The following ROCK1 variants were observed in gnomAD, a reference collection of about 807,000 sequenced individuals.
ROCK1 encodes the protein Rho associated coiled-coil containing protein kinase 1.
Under a neutral mutation model 196.8 loss-of-function variants are expected in ROCK1, and 36 were observed. That is an observed-to-expected ratio of 0.18 (90% confidence interval 0.14 to 0.24). The LOEUF (loss-of-function observed/expected upper bound fraction) is 0.24, where lower values mean the gene tolerates loss of function less well. Among genes scored for constraint, ROCK1 ranks in the 10% least tolerant of loss-of-function variants. The pLI is 1.00. For synonymous variants in ROCK1, 443 were observed against 515.9 expected, an observed-to-expected ratio of 0.86 and a Z score of 1.91; for missense variants, 920 against 1,562.0, an observed-to-expected ratio of 0.59 and a Z score of 6.93.
intron 16 of ROCK1, among the ~76,000 whole-genome samples, chr18:20,994,737 G>C (rs2035655999): frequency 6.6e-6 from 1 of 152,082 alleles, no homozygotes; most frequent in African/African-American, 2.4e-5. Flanking sequence ...ACATGAAAGA[G>C]ACAAATTAAG....
chr18:21,043,573 AATGTATATGTATATACATATACATAAT>A (rs2036128462), intron 6 of ROCK1, among the ~76,000 whole-genome samples: 1 of 144,640 alleles, frequency 6.9e-6, no homozygotes, highest in Non-Finnish European at 1.5e-5. Flanking sequence ...ACATATACAT[AATGTATATGTATATACATATACATAAT>A]ATGTATATAC....
chr18:20,974,979 T>C (rs2030447404), intron 22 of ROCK1, among the ~76,000 whole-genome samples: 1 of 152,216 alleles, frequency 6.6e-6, no homozygotes, highest in African/African-American at 2.4e-5. Flanking sequence ...AATTGTTTAA[T>C]TTAACAAACA....
At chr18:20,959,084 A>T (rs1315493247) in intron 29 of ROCK1, among the ~76,000 whole-genome samples, 5 of 36,472 alleles carry the variant, frequency 1.4e-4, no homozygotes, top group African/African-American at 8.7e-4. Flanking sequence ...TAATATATAT[A>T]TTTTATATAA....
At chr18:21,035,268 C>G (rs189858325) in intron 9 of ROCK1, among the ~76,000 whole-genome samples, 1 of 152,178 alleles carries the variant, frequency 6.6e-6, no homozygotes, top group African/African-American at 2.4e-5. Context: ...TATGGCTGAG[C>G]GTGGTGGCTC....
At chr18:21,090,737 CAAAT>C (rs1568407444) in intron 1 of ROCK1, among the ~76,000 whole-genome samples, 1 of 152,124 alleles carries the variant, frequency 6.6e-6, no homozygotes, top group African/African-American at 2.4e-5. Context: ...TCGACAACAA[CAAAT>C]AAATGTTTAT....
At chr18:21,056,300 T>C (rs1312039388) in intron 2 of ROCK1, among the ~76,000 whole-genome samples, 3 of 152,220 alleles carry the variant, frequency 2.0e-5, no homozygotes, top group Non-Finnish European at 4.4e-5. Context: ...TTGAAAAACA[T>C]CTCAAATTTA....
intron 12 of ROCK1, among the ~76,000 whole-genome samples, chr18:21,017,316 C>T (rs1460706900): frequency 6.6e-6 from 1 of 151,698 alleles, no homozygotes. Flanking sequence ...CTCAGCCTCC[C>T]GAGTAGCTGG....
intron 1 of ROCK1, among the ~76,000 whole-genome samples, chr18:21,076,676 CA>C (rs2143561375): frequency 7.2e-6 from 1 of 139,296 alleles, no homozygotes; most frequent in Non-Finnish European, 1.6e-5. Context: ...GGTACATACA[CA>C]CACACACACA....
chr18:21,107,245 C>T (rs866270636), intron 1 of ROCK1, among the ~76,000 whole-genome samples: 1 of 152,128 alleles, frequency 6.6e-6, no homozygotes, highest in Non-Finnish European at 1.5e-5. Context: ...TTTCAGATTA[C>T]GGATGCTATT....
intron 14 of ROCK1, 62 bp downstream of exon 14, chr18:21,007,997 T>C (rs763218151): frequency 7.5e-7 from 1 of 1,338,932 alleles, no homozygotes; most frequent in Non-Finnish European, 1.0e-6. Context: ...GACACTAAAT[T>C]AAAGACAACC....
chr18:21,058,003 T>G (rs1465900141), intron 2 of ROCK1, among the ~76,000 whole-genome samples: 2 of 152,170 alleles, frequency 1.3e-5, no homozygotes, highest in East Asian at 3.8e-4. Context: ...TAGGTAACAT[T>G]TAAAATTGTG....
At chr18:21,041,248 A>C (rs2036102913) in intron 8 of ROCK1, among the ~76,000 whole-genome samples, 1 of 150,820 alleles carries the variant, frequency 6.6e-6, no homozygotes, top group Admixed American at 6.6e-5. Context: ...CCTGGGCAAC[A>C]GAGCAAAACC....
intron 1 of ROCK1, among the ~76,000 whole-genome samples, chr18:21,099,582 A>G (rs762212283): frequency 8.5e-5 from 13 of 152,124 alleles, no homozygotes; most frequent in Non-Finnish European, 1.6e-4. Flanking sequence ...CATCTCTACA[A>G]AACATTTTTA....
In ROCK1 at chr18:21,110,854, C is replaced by T. The variant is rs2036744854; in HGVS notation, c.57G>A (p.Arg19=). The T allele has an allele frequency of 1.2e-6, 2 of 1,614,102 alleles. No homozygotes were observed. The highest frequency in any genetic ancestry group is 2.7e-5 in the African/African-American group (2 of 74,944). Residue 19 remains arginine (R), a synonymous_variant, in exon 1 of 33, where the codon CGG becomes CGA. Coordinates refer to ENST00000399799, the MANE Select transcript of ROCK1 (RefSeq NM_005406.3). ...TRFEKMDNLL[R]DPKSEVNSDC... ...CCGAATTCACTTCCGATTTGGGATC[C>T]CGCAGCAGGTTGTCCATTTTTTCAA...
intron 13 of ROCK1, among the ~76,000 whole-genome samples, chr18:21,013,451 C>G (rs185924301): frequency 6.6e-6 from 1 of 152,334 alleles, no homozygotes; most frequent in East Asian, 1.9e-4. Context: ...GTGGCCCCCA[C>G]AGATGACACT....
At chr18:21,068,654 GTTTTCAGTAAACAGGTTTACACATATT>G (rs983860202) in intron 2 of ROCK1, among the ~76,000 whole-genome samples, 1 of 152,094 alleles carries the variant, frequency 6.6e-6, no homozygotes, top group Non-Finnish European at 1.5e-5. Context: ...ATGCTGTATA[GTTTTCAGTAAACAGGTTTACACATATT>G]TTGTCAAATT....
chr18:21,040,788 C>A (rs2036098850), intron 8 of ROCK1, among the ~76,000 whole-genome samples: 1 of 152,132 alleles, frequency 6.6e-6, no homozygotes, highest in Non-Finnish European at 1.5e-5. Context: ...ACTACTATAT[C>A]CCTAGCACCT....
intron 16 of ROCK1, among the ~76,000 whole-genome samples, chr18:20,994,219 T>C (rs1261219317): frequency 2.6e-5 from 4 of 152,310 alleles, no homozygotes; most frequent in East Asian, 1.9e-4. Context: ...TTTCAAATAA[T>C]TGACCAAAAA....
chr18:20,975,066 A>G (rs2035466976), intron 22 of ROCK1, among the ~76,000 whole-genome samples: 1 of 152,146 alleles, frequency 6.6e-6, no homozygotes, highest in Non-Finnish European at 1.5e-5. Context: ...TAAGAATGAA[A>G]TATCTGAAAA....
Sources: gnomAD v4.1 joint callset for allele counts (sites outside exome capture counted in the v4.1 genomes callset) on GRCh38, gnomAD v4.1.1 for gene constraint, MANE v1.5 for transcripts, NCBI Gene and HGNC (gene_info 2026-07-23, HGNC 2026-07-21) for gene names.